MYT1L: variants seen among roughly 807,000 people sequenced by gnomAD.
The protein encoded by MYT1L is myelin transcription factor 1-like protein.
Under a neutral mutation model 126.7 loss-of-function variants are expected in MYT1L, and 12 were observed. That is an observed-to-expected ratio of 0.09 (90% CI 0.06 to 0.15). The LOEUF (loss-of-function observed/expected upper bound fraction) is 0.15. Ranked by LOEUF, MYT1L falls within the 10% of genes least tolerant of loss-of-function variation. The pLI is 1.00. For synonymous variants in MYT1L, 541 were observed against 604.2 expected (o/e 0.90, Z 1.53); for missense variants, 979 against 1,585.2 (o/e 0.62, Z 6.49).
chr2:2,116,783 C>T (rs1486139147), intron 3 of MYT1L, among the ~76,000 whole-genome samples: 1 of 152,254 alleles, frequency 6.6e-6, no homozygotes, highest in African/African-American at 2.4e-5. Context: ...GAAGCCAAGA[C>T]ACCCACGTGG....
Position 2,323,078 on chromosome 2 carries a change from G to A in MYT1L, c.-521+7889C>T, listed in dbSNP as rs539734070. Among the ~76,000 whole-genome samples the A allele has an allele frequency of 5.9e-5, 9 of 152,216 alleles. No individual in the cohort carries two copies. In the South Asian group the frequency reaches 1.9e-3, roughly 32 times the overall value. On this transcript the variant is annotated intron_variant, in intron 1 of 24. Transcript: ENST00000647738. ...AGAAAAAGCTCAATGTGAGTACTAA[G>A]AAACTTGCAGAATGAGAGGGAAAAT...
chr2:2,203,599 T>G (rs1316314926), intron 2 of MYT1L, among the ~76,000 whole-genome samples: 8 of 151,104 alleles, frequency 5.3e-5, no homozygotes, highest in East Asian at 2.0e-4. Context: ...CACTGCTCAA[T>G]GAAATAAAAG....
At chr2:1,913,693 C>T (rs1266081404) in intron 11 of MYT1L, among the ~76,000 whole-genome samples, 1 of 152,180 alleles carries the variant, frequency 6.6e-6, no homozygotes, top group Non-Finnish European at 1.5e-5. Flanking sequence ...CACATGCAGT[C>T]TTCCCTGGGG....
chr2:2,317,440 C>A (rs186258742), intron 1 of MYT1L, among the ~76,000 whole-genome samples: 1 of 152,030 alleles, frequency 6.6e-6, no homozygotes, highest in African/African-American at 2.4e-5. Flanking sequence ...ACAAGGGCAC[C>A]GAGAGGCAGA....
chr2:1,881,355 C>CTT, intron 18 of MYT1L, among the ~76,000 whole-genome samples: 1 of 139,226 alleles, frequency 7.2e-6, no homozygotes, highest in East Asian at 2.2e-4. Context: ...TTTGCAGGTT[C>CTT]GTGTGTGTGT....
At chr2:2,329,745 T>C (rs1253584040) in intron 1 of MYT1L, among the ~76,000 whole-genome samples, 1 of 152,166 alleles carries the variant, frequency 6.6e-6, no homozygotes, top group Non-Finnish European at 1.5e-5. Context: ...TGGTCTATGT[T>C]AGTTAATAAA....
rs1248712199 is a variant in MYT1L, at chr2:1,839,139, G to A, written c.3080+10C>T. On this transcript the variant is annotated intron_variant, in intron 21 of 24. Coordinates refer to ENST00000647738, the MANE Select transcript of MYT1L (RefSeq NM_001303052.2). ...ATCCCAGCCAGGGTCCCGCAGACGC[G>A]GCCACTCACCTGCGGTGTGTGAGGA... 1.2e-6 allele frequency: 2 copies of A among 1,600,602 alleles called. No homozygotes were observed. Among genetic ancestry groups the A allele is most frequent in the Middle Eastern group, 1.7e-4 (1 of 5,732 alleles).
chr2:1,874,007 C>T (rs2046566393), intron 18 of MYT1L, among the ~76,000 whole-genome samples: 1 of 151,794 alleles, frequency 6.6e-6, no homozygotes. Flanking sequence ...GGACAGGGCA[C>T]GAAGAAAGTG....
At chr2:2,222,510 T>G (rs2093906420) in intron 2 of MYT1L, among the ~76,000 whole-genome samples, 1 of 151,636 alleles carries the variant, frequency 6.6e-6, no homozygotes, top group South Asian at 2.1e-4. Context: ...AAAAAAAATT[T>G]TTTTTTGGTA....
intron 4 of MYT1L, among the ~76,000 whole-genome samples, chr2:2,003,987 AAGCGTTCTTTCC>A (rs2062724093): frequency 2.7e-5 from 4 of 150,246 alleles, no homozygotes; most frequent in Non-Finnish European, 5.9e-5. Flanking sequence ...TCTTTCCTGC[AAGCGTTCTTTCC>A]TGCATGCCTT....
At chr2:1,938,996 T>C (rs1036912680) in intron 9 of MYT1L, among the ~76,000 whole-genome samples, 7 of 152,364 alleles carry the variant, frequency 4.6e-5, no homozygotes, top group East Asian at 1.9e-4. Flanking sequence ...CAGTTTACTA[T>C]AGAGGTGAAA....
chr2:2,133,256 C>A (rs1269373015), intron 3 of MYT1L, among the ~76,000 whole-genome samples: 1 of 152,170 alleles, frequency 6.6e-6, no homozygotes, highest in Non-Finnish European at 1.5e-5. Flanking sequence ...CAAGAGACTG[C>A]TCCTCCTACA....
intron 3 of MYT1L, among the ~76,000 whole-genome samples, chr2:2,167,999 T>TA (rs1183935921): frequency 2.6e-5 from 4 of 151,044 alleles, no homozygotes; most frequent in African/African-American, 7.3e-5. Context: ...GCATTTTATT[T>TA]TAAAAAAAAA....
intron 14 of MYT1L, among the ~76,000 whole-genome samples, chr2:1,895,747 T>G (rs923555384): frequency 1.3e-5 from 2 of 152,224 alleles, no homozygotes; most frequent in Non-Finnish European, 1.5e-5. Flanking sequence ...GAAGAAAACC[T>G]AGGAAATACC....
intron 4 of MYT1L, among the ~76,000 whole-genome samples, chr2:2,049,226 A>G (rs1391601516): frequency 6.6e-6 from 1 of 152,230 alleles, no homozygotes; most frequent in Non-Finnish European, 1.5e-5. Context: ...AACGGCACTG[A>G]GTCATTAAAG....
At chr2:1,810,665 T>TC (rs1267124423) in intron 21 of MYT1L, among the ~76,000 whole-genome samples, 1 of 152,176 alleles carries the variant, frequency 6.6e-6, no homozygotes, top group African/African-American at 2.4e-5. Context: ...AATATTATTT[T>TC]TGTAATACAT....
At chr2:2,189,029 G>GC (rs1169945307) in intron 2 of MYT1L, among the ~76,000 whole-genome samples, 1 of 152,292 alleles carries the variant, frequency 6.6e-6, no homozygotes, top group Non-Finnish European at 1.5e-5. Context: ...TTCCTCCCCA[G>GC]CGTAGCCAAG....
chr2:2,188,285 T>C (rs2092348777), intron 2 of MYT1L, among the ~76,000 whole-genome samples: 1 of 152,194 alleles, frequency 6.6e-6, no homozygotes. Context: ...ACTGTTTTGT[T>C]TAGAATTCTA....
chr2:1,979,345 AAAG>A lies in MYT1L; in HGVS notation c.90-121_90-119del. The A allele has an allele frequency of 8.9e-7, 1 of 1,125,078 alleles. No individual in the cohort carries two copies. Among genetic ancestry groups the A allele is most frequent in the Non-Finnish European group, 1.3e-6 (1 of 757,250 alleles). The allele number at this position is 1,125,078 out of a possible 1,614,324, so 69.7% of individuals were successfully genotyped here. A position where few individuals can be genotyped will look rare whatever the true frequency, so the allele number is the denominator to read the frequency against. ...ACAGAGGAGAGAAATCACACAATCC[AAAG>A]GAGGGGGAAATTCGGGGAGGCTTTT... On this transcript the variant is annotated intron_variant, in intron 7 of 24. Transcript: ENST00000647738. The surrounding 1 kb of genome is among the most constrained non-coding windows in gnomAD (Gnocchi z 4.0).
Sources: allele counts gnomAD v4.1 joint callset (sites outside exome capture counted in the v4.1 genomes callset), GRCh38; gene constraint gnomAD v4.1.1; non-coding constraint Gnocchi (gnomAD v3.1); transcripts MANE v1.5; gene names NCBI Gene and HGNC (gene_info 2026-07-23, HGNC 2026-07-21).